The following CALN1 variants were observed in gnomAD, a reference collection of about 807,000 sequenced individuals.
CALN1 encodes calneuron 1.
A neutral mutation model predicts 30.6 loss-of-function variants in CALN1; 17 were observed. The observed-to-expected ratio is 0.56, with a 90% CI of 0.38 to 0.83. CALN1 has a LOEUF of 0.83. Ranked by LOEUF, CALN1 falls within the 40% of genes least tolerant of loss-of-function variation. The pLI is 0.00. For missense variants in CALN1, 291 were observed against 354.9 expected, an observed-to-expected ratio of 0.82 and a Z score of 1.45; for synonymous variants, 156 against 131.4, an observed-to-expected ratio of 1.19 and a Z score of -1.28.
At chr7:71,862,577 T>C (rs1791353591) in intron 5 of CALN1, among the ~76,000 whole-genome samples, 1 of 152,210 alleles carries the variant, frequency 6.6e-6, no homozygotes. Flanking sequence ...CTTTCTTTTA[T>C]GAATTACCCA....
chr7:72,070,947 A>G (rs1030131383), intron 4 of CALN1, among the ~76,000 whole-genome samples: 1 of 152,140 alleles, frequency 6.6e-6, no homozygotes, highest in Non-Finnish European at 1.5e-5. Flanking sequence ...TCAAAACAAA[A>G]CTGGATGGAG....
intron 4 of CALN1, among the ~76,000 whole-genome samples, chr7:72,097,237 A>T (rs1275885861): frequency 6.6e-6 from 1 of 152,224 alleles, no homozygotes; most frequent in Non-Finnish European, 1.5e-5. Flanking sequence ...GCAGCACACC[A>T]ACATGGCACG....
In CALN1 at chr7:71,938,087, C is replaced by T. The variant is rs970476016; in HGVS notation, c.501+85570G>A. Among the ~76,000 whole-genome samples the T allele has an allele frequency of 7.2e-5, 11 of 152,142 alleles. 1 individual carries two copies. The highest frequency in any genetic ancestry group is 1.5e-5 in the Non-Finnish European group (1 of 68,036). Reference sequence around the variant, plus strand: ...GAGTTTACCAAAGAATGGGCAAGTTCCCAAGAGTATCAGAGAGATTGGCAC... The same window carrying T: ...GAGTTTACCAAAGAATGGGCAAGTTTCCAAGAGTATCAGAGAGATTGGCAC... On this transcript the variant is annotated intron_variant, in intron 5 of 6. Coordinates refer to ENST00000395275, the MANE Select transcript of CALN1 (RefSeq NM_031468.4).
chr7:72,048,206 A>G (rs1033683396), intron 4 of CALN1, among the ~76,000 whole-genome samples: 1 of 151,870 alleles, frequency 6.6e-6, no homozygotes, highest in Non-Finnish European at 1.5e-5. Context: ...CACCCGGCTA[A>G]TTTTTGTATT....
chr7:72,230,332 CAATAGATACTA>C (rs989817798), intron 3 of CALN1, among the ~76,000 whole-genome samples: 6 of 102,990 alleles, frequency 5.8e-5, no homozygotes, highest in Admixed American at 2.2e-4. Context: ...TCTGTCTCTA[CAATAGATACTA>C]AAAAAAAAAA....
intron 4 of CALN1, among the ~76,000 whole-genome samples, chr7:72,076,962 C>T (rs1452200233): frequency 1.3e-5 from 2 of 151,946 alleles, no homozygotes; most frequent in Non-Finnish European, 2.9e-5. Context: ...CTTGCTCTGT[C>T]ACCCTGGCTG....
chr7:72,259,651 T>C (rs912258275), intron 3 of CALN1, among the ~76,000 whole-genome samples: 4 of 152,290 alleles, frequency 2.6e-5, no homozygotes, highest in African/African-American at 9.6e-5. Flanking sequence ...TTAATTTCCC[T>C]CATCTGTATA....
chr7:71,906,102 G>A (rs532309138), intron 5 of CALN1, among the ~76,000 whole-genome samples: 7 of 152,268 alleles, frequency 4.6e-5, no homozygotes, highest in African/African-American at 1.7e-4. Flanking sequence ...CTCAATATCT[G>A]GGGATTACAA....
intron 5 of CALN1, among the ~76,000 whole-genome samples, chr7:71,988,768 C>T (rs1798806770): frequency 6.6e-6 from 1 of 152,078 alleles, no homozygotes; most frequent in Non-Finnish European, 1.5e-5. Flanking sequence ...TTGCTGTTTC[C>T]ATGTAGAGCA....
chr7:72,316,959 CAAAT>C (rs918849630), intron 2 of CALN1, among the ~76,000 whole-genome samples: 19 of 78,214 alleles, frequency 2.4e-4, no homozygotes, highest in African/African-American at 7.0e-4. Flanking sequence ...GAAAAATAAA[CAAAT>C]AAACGAAAGG....
chr7:72,301,843 A>T (rs1035568194), intron 2 of CALN1, among the ~76,000 whole-genome samples: 9 of 152,168 alleles, frequency 5.9e-5, no homozygotes, highest in Non-Finnish European at 8.8e-5. Context: ...CCTGCCTCTT[A>T]TCACAGCCCA....
At chr7:71,944,040 A>C (rs542668432) in intron 5 of CALN1, among the ~76,000 whole-genome samples, 1 of 152,330 alleles carries the variant, frequency 6.6e-6, no homozygotes, top group Admixed American at 6.5e-5. Flanking sequence ...GTTAAGCCTA[A>C]AACAAACAGA....
At chr7:71,851,387 T>C (rs887170408) in intron 5 of CALN1, among the ~76,000 whole-genome samples, 1 of 151,290 alleles carries the variant, frequency 6.6e-6, no homozygotes, top group African/African-American at 2.4e-5. Context: ...GGCATGGTGG[T>C]GGGTGCTTGT....
At chr7:72,123,818 C>A (rs1808559736) in intron 3 of CALN1, among the ~76,000 whole-genome samples, 1 of 152,142 alleles carries the variant, frequency 6.6e-6, no homozygotes, top group African/African-American at 2.4e-5. Flanking sequence ...AATTTACTTG[C>A]TTAAAATTGC....
intron 5 of CALN1, among the ~76,000 whole-genome samples, chr7:71,978,077 G>A (rs1798189147): frequency 6.6e-6 from 1 of 151,504 alleles, no homozygotes; most frequent in African/African-American, 2.4e-5. Context: ...CTCAAGATCT[G>A]CATTCCTTTC....
chr7:71,800,846 A>G (rs373387359), intron 6 of CALN1, among the ~76,000 whole-genome samples: 4 of 152,308 alleles, frequency 2.6e-5, no homozygotes, highest in South Asian at 4.1e-4. Flanking sequence ...ATACATGTGC[A>G]GAATGTGCAG....
chr7:71,827,298 A>G (rs1788974171), intron 5 of CALN1, among the ~76,000 whole-genome samples: 1 of 152,174 alleles, frequency 6.6e-6, no homozygotes, highest in Non-Finnish European at 1.5e-5. Flanking sequence ...GTCCCCACCT[A>G]GGCTGTCTGA....
At chr7:71,816,314 GA>G (rs1788262738) in intron 5 of CALN1, among the ~76,000 whole-genome samples, 1 of 152,112 alleles carries the variant, frequency 6.6e-6, no homozygotes, top group African/African-American at 2.4e-5. Context: ...TCCTAGACAG[GA>G]ATTTTGACAT....
chr7:71,787,876 T>G lies in CALN1; in HGVS notation c.685A>C (p.Thr229Pro), dbSNP rs1343980596. Reference sequence around the variant, plus strand: ...CATATGAGGCTCTTCCGGACGCAGGTCTGTCTGTTCTGCTTCTGGGAATGC... The same window carrying G: ...CATATGAGGCTCTTCCGGACGCAGGGCTGTCTGTTCTGCTTCTGGGAATGC... ...GVHSQKQNRQ[T>P]CVRKSLICAF... Residue 229 changes from threonine to proline, a missense_variant, in exon 7 of 7, where the codon ACC (threonine) becomes CCC (proline). Coordinates refer to ENST00000395275, the MANE Select transcript of CALN1 (RefSeq NM_031468.4). The G allele has an allele frequency of 6.2e-7, 1 of 1,613,932 alleles. No individual in the cohort carries two copies. Among genetic ancestry groups the G allele is most frequent in the African/African-American group, 1.3e-5 (1 of 74,880 alleles).
Sources: allele counts gnomAD v4.1 joint callset (sites outside exome capture counted in the v4.1 genomes callset), GRCh38; gene constraint gnomAD v4.1.1; transcripts MANE v1.5; gene names NCBI Gene and HGNC (gene_info 2026-07-23, HGNC 2026-07-21).